SLC22A12: variants seen among roughly 807,000 people sequenced by gnomAD.
SLC22A12 encodes organic anion transporter 4-like protein.
A neutral mutation model predicts 52.7 loss-of-function variants in SLC22A12; 56 were observed. That is an observed-to-expected ratio of 1.06 (90% CI 0.86 to 1.33). The LOEUF is 1.33. Ranked by LOEUF, SLC22A12 falls within the 40% of genes most tolerant of loss-of-function variation. The pLI is 0.00. For synonymous variants in SLC22A12, 337 were observed against 324.6 expected (o/e 1.04, Z -0.41); for missense variants, 683 against 741.5 (o/e 0.92, Z 0.92).
At position 64,598,940 on chromosome 11, in the gene SLC22A12, C is replaced by T; in HGVS notation, c.1070+17C>T. ...GTTGTGCTGGTAGATGCCCTTCCCC[C>T]AACCCCACCTCCACAGGGGAACCTG... On this transcript the variant is annotated intron_variant, in intron 6 of 9. Coordinates refer to ENST00000377574, the MANE Select transcript of SLC22A12 (RefSeq NM_144585.4). 2 of 1,611,870 alleles carry T rather than the reference C, an allele frequency of 1.2e-6. No individual in the cohort carries two copies. Among genetic ancestry groups the T allele is most frequent in the Non-Finnish European group, 8.5e-7 (1 of 1,179,734 alleles).
At position 64,602,187 on chromosome 11, in the gene SLC22A12, T is replaced by TACCC. The variant is rs1204746656; in HGVS notation, c.*639_*642dup. The stretch of plus-strand genomic sequence containing the variant: ...CAGCCTGAGATGCCCGTGAAACTCC[T>TACCC]ACCCACAGTTACAGCCACAAGCCTG... On this transcript the variant is annotated 3_prime_UTR_variant, in exon 10 of 10. Transcript: ENST00000377574. 1 of 171,706 alleles carries TACCC rather than the reference T, an allele frequency of 5.8e-6. No individual in the cohort carries two copies. The highest frequency in any genetic ancestry group is 1.3e-5 in the Non-Finnish European group (1 of 79,588). 10.6% of individuals were successfully genotyped at this position (171,706 alleles called of 1,614,324 possible). A position where few individuals can be genotyped will look rare whatever the true frequency, so the allele number is the denominator to read the frequency against.
Position 64,599,852 on chromosome 11 carries a change from C to G in SLC22A12, c.1247C>G (p.Ala416Gly), listed in dbSNP as rs1016187793. Residue 416 changes from alanine to glycine, a missense_variant, in exon 7 of 10, where the codon GCA (alanine) becomes GGA (glycine). By Grantham distance (60) the Ala-to-Gly change is moderately conservative. Transcript: ENST00000377574. ...RPTLAASLLL[A>G]GLCILANTLV... ...ACGCTGGCCGCATCCCTGTTGCTGG[C>G]AGGGCTCTGCATTCTGGCCAACACG... 2 of 1,612,694 alleles carry G rather than the reference C, an allele frequency of 1.2e-6. No individual in the cohort carries two copies. Among genetic ancestry groups the G allele is most frequent in the South Asian group, 1.1e-5 (1 of 91,052 alleles).
At chr11:64,601,076 C>G in intron 9 of SLC22A12, 138 bp downstream of exon 9, 2 of 1,162,696 alleles carry the variant, frequency 1.7e-6, no homozygotes, top group Non-Finnish European at 1.2e-6. Flanking sequence ...CAGAGTCACA[C>G]AGTACATCTC....
Position 64,601,742 on chromosome 11 carries a change from A to C in SLC22A12, c.*191A>C. ...CACAGTCCAAGGGGCCCCCTTCAAT[A>C]CTGAAGGGGAAAAGGACAGTTTGAT... is the stretch of plus-strand genomic sequence containing the variant. On this transcript the variant is annotated 3_prime_UTR_variant, in exon 10 of 10. Coordinates refer to ENST00000377574, the MANE Select transcript of SLC22A12 (RefSeq NM_144585.4). 5.0e-6 allele frequency: 3 copies of C among 601,810 alleles called. No homozygotes were observed. The highest frequency in any genetic ancestry group is 3.0e-5 in the East Asian group (1 of 33,096). 37.3% of individuals were successfully genotyped at this position (601,810 alleles called of 1,614,324 possible).
rs2135439282 is a variant in SLC22A12 at position 64,591,642 on chromosome 11, T to C, written c.86T>C (p.Met29Thr). ...LQTMALMVSI[M>T]WLCTQSMLEN... ...ACGATGGCTCTGATGGTCTCCATCA[T>C]GTGGCTGTGTACCCAGAGCATGCTG... Residue 29 changes from methionine to threonine, a missense_variant, in exon 1 of 10, where the codon ATG (methionine) becomes ACG (threonine). Transcript: ENST00000377574. 1 of 1,613,236 alleles carries C rather than the reference T, an allele frequency of 6.2e-7. No homozygotes were observed. The highest frequency in any genetic ancestry group is 8.5e-7 in the Non-Finnish European group (1 of 1,180,032).
chr11:64,597,373 C>T (rs1313194035), intron 4 of SLC22A12, among the ~76,000 whole-genome samples: 1 of 152,158 alleles, frequency 6.6e-6, no homozygotes, highest in African/African-American at 2.4e-5. Context: ...TCCAGCCTTA[C>T]ACCTCCAACT....
At chr11:64,596,639 C>T (rs368306293) in intron 4 of SLC22A12, among the ~76,000 whole-genome samples, 7 of 152,196 alleles carry the variant, frequency 4.6e-5, no homozygotes, top group Non-Finnish European at 1.0e-4. Context: ...ATCTCTCCCA[C>T]CCAACAGCTT....
chr11:64,595,944 ATGGATGG>A (rs2039180787), intron 4 of SLC22A12, among the ~76,000 whole-genome samples: 1 of 127,590 alleles, frequency 7.8e-6, no homozygotes, highest in Non-Finnish European at 1.7e-5. Context: ...GGATGGATGG[ATGGATGG>A]ATGGATGGAT....
chr11:64,596,242 GATGGA>G (rs2039216547), intron 4 of SLC22A12, among the ~76,000 whole-genome samples: 1 of 135,442 alleles, frequency 7.4e-6, no homozygotes, highest in African/African-American at 2.8e-5. Flanking sequence ...TGGATGGATG[GATGGA>G]ATGGATGGAT....
intron 1 of SLC22A12, 69 bp downstream of exon 1, chr11:64,592,027 G>A (rs1249235091): frequency 6.4e-7 from 1 of 1,573,420 alleles, no homozygotes; most frequent in South Asian, 1.1e-5. Context: ...CGGTGGGTCA[G>A]ACTCAAAGGT....
chr11:64,600,701 G>A, intron 8 of SLC22A12, 34 bp from the exon 9 acceptor site: 1 of 1,601,988 alleles, frequency 6.2e-7, no homozygotes, highest in Non-Finnish European at 8.5e-7. Flanking sequence ...TGGGCACACA[G>A]ACCAGGCGCT....
At chr11:64,592,434 A>G (rs1036208134) in intron 1 of SLC22A12, among the ~76,000 whole-genome samples, 2 of 152,088 alleles carry the variant, frequency 1.3e-5, no homozygotes, top group African/African-American at 4.8e-5. Flanking sequence ...ACCTCTTTAT[A>G]AAGAACAGGA....
rs1490270164 is a variant in SLC22A12, at chr11:64,599,791, G to A, written c.1186G>A (p.Ala396Thr). The change falls in exon 7 of 10, where the codon GCC becomes ACC. Residue 396 changes from alanine to threonine, a missense_variant. By Grantham distance (58) the Ala-to-Thr change is moderately conservative. Transcript: ENST00000377574. ...CGTGGACATCCCAGCCAAGATGGGC[G>A]CCCTGCTGCTGCTGAGCCACCTGGG... ...GVVDIPAKMG[A>T]LLLLSHLGRR... 3.1e-6 allele frequency: 5 copies of A among 1,612,708 alleles called. No individual in the cohort carries two copies. The highest frequency in any genetic ancestry group is 2.2e-5 in the South Asian group (2 of 91,078).
chr11:64,594,743 G>C (rs575024568), intron 4 of SLC22A12, among the ~76,000 whole-genome samples: 1 of 138,374 alleles, frequency 7.2e-6, no homozygotes, highest in Non-Finnish European at 1.6e-5. Context: ...ACGGACGGAC[G>C]GTTGGATGGA....
rs962887606 is a variant in SLC22A12 at position 64,600,861 on chromosome 11, G to C, written c.1521G>C (p.Leu507=). ...TGGTGTATGGGACGGTGCCAGTGCT[G>C]AGTGGCCTGGCCGCACTGCTTCTGC... The part of the protein sequence containing the change: ...PLLVYGTVPV[L]SGLAALLLPE... Residue 507 remains leucine (L), a synonymous_variant, in exon 9 of 10, where the codon CTG becomes CTC. Coordinates refer to ENST00000377574, the MANE Select transcript of SLC22A12 (RefSeq NM_144585.4). 1 of 1,608,930 alleles carries C rather than the reference G, an allele frequency of 6.2e-7. No homozygotes were observed. Among genetic ancestry groups the C allele is most frequent in the Non-Finnish European group, 8.5e-7 (1 of 1,179,974 alleles).
intron 4 of SLC22A12, among the ~76,000 whole-genome samples, chr11:64,595,026 GAATA>G (rs2039073634): frequency 2.8e-5 from 1 of 35,146 alleles, no homozygotes; most frequent in African/African-American, 4.9e-5. Context: ...TGGATGGTTG[GAATA>G]GATGGATGGA....
intron 6 of SLC22A12, among the ~76,000 whole-genome samples, chr11:64,599,207 G>A (rs1172029525): frequency 6.6e-6 from 1 of 152,196 alleles, no homozygotes; most frequent in Non-Finnish European, 1.5e-5. Context: ...GGGTGATCCA[G>A]GCAACAGCAT....
At chr11:64,592,714 G>A in intron 1 of SLC22A12, 65 bp from the exon 2 acceptor site, 1 of 1,396,452 alleles carries the variant, frequency 7.2e-7, no homozygotes, top group Non-Finnish European at 1.0e-6. Context: ...CTCCCATGCG[G>A]TTCCTCTGCC....
intron 1 of SLC22A12, 134 bp from the exon 2 acceptor site, chr11:64,592,645 C>G: frequency 1.3e-6 from 1 of 774,758 alleles, no homozygotes; most frequent in Non-Finnish European, 2.3e-6. Context: ...TCCACAGGGT[C>G]TTGCTCTAAA....
Sources: allele counts gnomAD v4.1 joint callset (sites outside exome capture counted in the v4.1 genomes callset), GRCh38; gene constraint gnomAD v4.1.1; transcripts MANE v1.5; gene names NCBI Gene and HGNC (gene_info 2026-07-23, HGNC 2026-07-21).